Variants in SUPT3H observed in about 807,000 individuals in gnomAD.
The protein encoded by SUPT3H is SPT3 homolog, SAGA and STAGA complex component.
SUPT3H carries 44 observed loss-of-function variants against 44.3 expected under a neutral mutation model. That is an observed-to-expected ratio of 0.99 (90% CI 0.78 to 1.28). SUPT3H has a LOEUF of 1.28. Ranked by LOEUF, SUPT3H falls within the 50% of genes most tolerant of loss-of-function variation. SUPT3H has a pLI of 0.00. For synonymous variants in SUPT3H, 124 were observed against 125.6 expected, an observed-to-expected ratio of 0.99 and a Z score of 0.09; for missense variants, 380 against 387.1, an observed-to-expected ratio of 0.98 and a Z score of 0.15.
At chr6:45,025,342 AC>A (rs1269369681) in intron 3 of SUPT3H, among the ~76,000 whole-genome samples, 3 of 152,188 alleles carry the variant, frequency 2.0e-5, no homozygotes, top group Admixed American at 6.5e-5. Context: ...AAGTTTTGTA[AC>A]ACTCCTGCCT....
intron 2 of SUPT3H, among the ~76,000 whole-genome samples, chr6:45,175,986 A>G (rs1811729344): frequency 6.6e-6 from 1 of 152,164 alleles, no homozygotes; most frequent in Non-Finnish European, 1.5e-5. Context: ...AACTGAATTT[A>G]TTTTGTATCT....
chr6:45,203,130 G>T (rs899885101), intron 2 of SUPT3H, among the ~76,000 whole-genome samples: 1 of 152,154 alleles, frequency 6.6e-6, no homozygotes, highest in African/African-American at 2.4e-5. Flanking sequence ...TTATAAAGCA[G>T]TCATTTAAGT....
At position 45,157,905 on chromosome 6, in the gene SUPT3H, C is replaced by T. The variant is rs921402688; in HGVS notation, c.102-51899G>A. Among the ~76,000 whole-genome samples, 8 of 151,126 alleles carry T rather than the reference C, an allele frequency of 5.3e-5. No individual in the cohort carries two copies. In the South Asian group the frequency reaches 6.3e-4, roughly 12 times the overall value. ...TTAATGTGTAGCCAAGGATGAGAAT[C>T]GTTATAGATCATGATCAGCATTCTA... On this transcript the variant is annotated intron_variant, in intron 2 of 10. Coordinates refer to ENST00000371459, the MANE Select transcript of SUPT3H (RefSeq NM_003599.4).
chr6:44,968,407 T>C (rs1383465327), intron 6 of SUPT3H, among the ~76,000 whole-genome samples: 1 of 152,148 alleles, frequency 6.6e-6, no homozygotes, highest in Non-Finnish European at 1.5e-5. Context: ...ACCATATCTC[T>C]AACTCACTGT....
rs1451616957 is a variant in SUPT3H at position 45,288,547 on chromosome 6, G to GTGTGTGTGTGTA, written c.101+76653_101+76654insTACACACACACA. 3.2e-5 allele frequency among the ~76,000 whole-genome samples: 4 copies of GTGTGTGTGTGTA among 126,744 alleles called. 1 individual carries two copies. Among genetic ancestry groups the GTGTGTGTGTGTA allele is most frequent in the East Asian group, 2.7e-4 (1 of 3,726 alleles). The allele number at this position is 126,744 out of a possible 152,430, so 83.1% of individuals were successfully genotyped here. On this transcript the variant is annotated intron_variant, in intron 2 of 10. Transcript: ENST00000371459. Reference sequence around the variant, plus strand: ...AGAGATACAATGTGTGTGTGTGTGTGTATATATATATATATATGTATATAT... The same window carrying GTGTGTGTGTGTA: ...AGAGATACAATGTGTGTGTGTGTGTGTGTGTGTGTGTATATATATATATATATATGTATATAT...
chr6:44,839,319 A>G (rs571802496), intron 10 of SUPT3H, among the ~76,000 whole-genome samples: 1 of 117,830 alleles, frequency 8.5e-6, no homozygotes, highest in Non-Finnish European at 1.9e-5. Flanking sequence ...CACTATTATT[A>G]TTATTTTTTT....
chr6:45,001,364 T>C (rs1354179284), intron 6 of SUPT3H, among the ~76,000 whole-genome samples: 2 of 152,076 alleles, frequency 1.3e-5, no homozygotes, highest in African/African-American at 4.8e-5. Context: ...AGTGCTAGAA[T>C]CTGGTGCTAG....
chr6:45,276,717 C>T (rs534367101), intron 2 of SUPT3H, among the ~76,000 whole-genome samples: 42 of 152,212 alleles, frequency 2.8e-4, no homozygotes, highest in Non-Finnish European at 5.9e-4. Context: ...ACACCTGCTA[C>T]TTGATGAGAG....
chr6:45,069,423 A>G (rs947205058), intron 3 of SUPT3H, among the ~76,000 whole-genome samples: 8 of 152,190 alleles, frequency 5.3e-5, no homozygotes, highest in African/African-American at 1.4e-4. Context: ...TAGTTGTAAG[A>G]AGAGAGTAAG....
In SUPT3H at chr6:45,141,338, CAAAAAAAAAAAA is replaced by C. The variant is rs1162738855; in HGVS notation, c.102-35344_102-35333del. On this transcript the variant is annotated intron_variant, in intron 2 of 10. Transcript: ENST00000371459. ...TGGGAGACAGAGCAAGACTCCATCT[CAAAAAAAAAAAA>C]AAAAAAAAAAAAAGAAAAGAATTCA... Among the ~76,000 whole-genome samples, 33 of 45,286 alleles carry C rather than the reference CAAAAAAAAAAAA, an allele frequency of 7.3e-4. 1 individual carries two copies. The highest frequency in any genetic ancestry group is 3.2e-3 in the African/African-American group (30 of 9,408). The allele number at this position is 45,286 out of a possible 152,430, so 29.7% of individuals were successfully genotyped here.
At chr6:45,041,960 A>T (rs749414604) in intron 3 of SUPT3H, among the ~76,000 whole-genome samples, 15 of 152,212 alleles carry the variant, frequency 9.9e-5, no homozygotes, top group Non-Finnish European at 1.5e-4. Flanking sequence ...AAACAAAGTG[A>T]AGCATAAGTG....
intron 2 of SUPT3H, among the ~76,000 whole-genome samples, chr6:45,156,887 A>T (rs993416301): frequency 1.3e-5 from 2 of 151,996 alleles, no homozygotes; most frequent in African/African-American, 4.8e-5. Context: ...TAGTACCATA[A>T]TTTTTATGGT....
At chr6:45,272,399 T>G (rs1159450558) in intron 2 of SUPT3H, among the ~76,000 whole-genome samples, 2 of 152,142 alleles carry the variant, frequency 1.3e-5, no homozygotes, top group African/African-American at 4.8e-5. Flanking sequence ...GATCTGATGG[T>G]TTGATAAAGG....
chr6:44,974,165 G>A (rs906595888), intron 6 of SUPT3H, among the ~76,000 whole-genome samples: 3 of 152,052 alleles, frequency 2.0e-5, no homozygotes, highest in Non-Finnish European at 4.4e-5. Context: ...GTTTGGCTAC[G>A]TGTGTATATG....
intron 5 of SUPT3H, among the ~76,000 whole-genome samples, chr6:45,012,978 G>A (rs1023130061): frequency 1.3e-5 from 2 of 151,998 alleles, no homozygotes; most frequent in African/African-American, 2.4e-5. Flanking sequence ...GGGGTGTTTG[G>A]CTGTTACCTT....
At chr6:44,894,441 G>A (rs774556649) in intron 10 of SUPT3H, among the ~76,000 whole-genome samples, 8 of 151,982 alleles carry the variant, frequency 5.3e-5, no homozygotes, top group South Asian at 2.1e-4. Flanking sequence ...TTCTATATAC[G>A]GCTAGCCAGT....
intron 2 of SUPT3H, among the ~76,000 whole-genome samples, chr6:45,305,189 T>C (rs1782796104): frequency 6.6e-6 from 1 of 152,226 alleles, no homozygotes; most frequent in Non-Finnish European, 1.5e-5. Flanking sequence ...AAACATCGGC[T>C]TTTAGCTCTA....
intron 3 of SUPT3H, among the ~76,000 whole-genome samples, chr6:45,065,519 G>A (rs370613078): frequency 6.6e-6 from 1 of 151,504 alleles, no homozygotes; most frequent in South Asian, 2.1e-4. Flanking sequence ...ATGAATCCAG[G>A]AGCTGGTTTT....
chr6:45,166,508 C>T (rs1228757469), intron 2 of SUPT3H, among the ~76,000 whole-genome samples: 4 of 148,814 alleles, frequency 2.7e-5, no homozygotes, highest in African/African-American at 1.0e-4. Flanking sequence ...TGGCGTGAAC[C>T]CAGGAGGCAG....
Sources: allele counts gnomAD v4.1 joint callset (sites outside exome capture counted in the v4.1 genomes callset), GRCh38; gene constraint gnomAD v4.1.1; transcripts MANE v1.5; gene names NCBI Gene and HGNC (gene_info 2026-07-23, HGNC 2026-07-21).